PCDHA3: variants seen among roughly 807,000 people sequenced by gnomAD.
The protein encoded by PCDHA3 is protocadherin alpha 3.
A neutral mutation model predicts 62.2 loss-of-function variants in PCDHA3; 41 were observed. The ratio of observed to expected loss-of-function variants is 0.66; its 90% CI spans 0.51 to 0.86. The LOEUF is 0.86. Ranked by LOEUF, PCDHA3 falls within the 40% of genes least tolerant of loss-of-function variation. The pLI, the probability that PCDHA3 is intolerant of heterozygous loss-of-function variation, is 0.00. For missense variants in PCDHA3, 1,304 were observed against 1,241.2 expected (o/e 1.05, Z -0.76); for synonymous variants, 640 against 555.4 (o/e 1.15, Z -2.14).
chr5:140,967,210 C>A, intron 1 of PCDHA3: 1 of 1,613,674 alleles, frequency 6.2e-7, no homozygotes, highest in Non-Finnish European at 8.5e-7. Flanking sequence ...CACCGCGTTT[C>A]CCGCGGCCCA....
chr5:140,825,713 C>T (rs1234281247), intron 1 of PCDHA3: 2 of 152,202 alleles, frequency 1.3e-5, no homozygotes, highest in African/African-American at 2.4e-5. Context: ...TGAGCCATCG[C>T]GCCTGGCCTA....
Position 140,849,936 on chromosome 5 carries a change from G to C in PCDHA3, c.2394+46345G>C, listed in dbSNP as rs2041236618. The C allele has an allele frequency of 2.5e-6, 4 of 1,598,080 alleles. 1 individual carries two copies. Among genetic ancestry groups the C allele is most frequent in the Non-Finnish European group, 3.4e-6 (4 of 1,167,760 alleles). On this transcript the variant is annotated intron_variant, in intron 1 of 3. Transcript: ENST00000522353. ...CCACATCTTCACGGTGTCTGCGCGG[G>C]ACGCTGACGCGCAGGAGAACGCCCT...
At chr5:140,998,738 A>G (rs1163158052) in intron 3 of PCDHA3, among the ~76,000 whole-genome samples, 1 of 151,972 alleles carries the variant, frequency 6.6e-6, no homozygotes, top group Non-Finnish European at 1.5e-5. Context: ...CTAATTTTGT[A>G]TTTTTAGAAG....
intron 3 of PCDHA3, among the ~76,000 whole-genome samples, chr5:141,007,339 T>C (rs2098316015): frequency 6.9e-6 from 1 of 143,904 alleles, no homozygotes; most frequent in Non-Finnish European, 1.5e-5. Context: ...TTGCCTGAGC[T>C]CAGGAGTTCG....
intron 3 of PCDHA3, among the ~76,000 whole-genome samples, chr5:140,998,364 C>T (rs2097808386): frequency 6.6e-6 from 1 of 152,192 alleles, no homozygotes; most frequent in South Asian, 2.1e-4. Flanking sequence ...AACCACTGCA[C>T]ACACCGTCTC....
At chr5:140,832,767 T>C (rs1197167280) in intron 1 of PCDHA3, among the ~76,000 whole-genome samples, 1 of 152,180 alleles carries the variant, frequency 6.6e-6, no homozygotes, top group Non-Finnish European at 1.5e-5. Context: ...AAGAATATTG[T>C]AAGAGGTGCT....
intron 1 of PCDHA3, chr5:140,884,108 G>T: frequency 1.9e-6 from 3 of 1,613,402 alleles, no homozygotes; most frequent in Non-Finnish European, 2.5e-6. Context: ...ATTGCAGCTG[G>T]CGGCGGTCGG....
intron 1 of PCDHA3, among the ~76,000 whole-genome samples, chr5:140,921,179 GT>G (rs1563044506): frequency 6.6e-6 from 1 of 151,662 alleles, no homozygotes; most frequent in South Asian, 2.1e-4. Context: ...ATAAAGCACA[GT>G]TTTTTCACAA....
At chr5:140,831,993 C>A (rs1438404433) in intron 1 of PCDHA3, among the ~76,000 whole-genome samples, 1 of 152,120 alleles carries the variant, frequency 6.6e-6, no homozygotes, top group East Asian at 1.9e-4. Flanking sequence ...TTACGGATTC[C>A]ATATTGTTTT....
At chr5:140,902,761 G>A (rs58783050) in intron 1 of PCDHA3, among the ~76,000 whole-genome samples, 3,599 of 148,306 alleles carry the variant, frequency 0.024, 139 homozygotes, top group African/African-American at 0.083. Flanking sequence ...TCATTCTTAT[G>A]TCTTTGCATT....
intron 3 of PCDHA3, among the ~76,000 whole-genome samples, chr5:140,986,342 C>G (rs1390823261): frequency 4.6e-5 from 7 of 152,184 alleles, no homozygotes; most frequent in African/African-American, 1.7e-4. Flanking sequence ...ACAGTTGCAG[C>G]CTCTTCTTCA....
At position 140,803,234 on chromosome 5, in the gene PCDHA3, G is replaced by A. The variant is rs34395025; in HGVS notation, c.2037G>A (p.Ser679=). 10 of 1,613,694 alleles carry A rather than the reference G, an allele frequency of 6.2e-6. No individual in the cohort carries two copies. Among genetic ancestry groups the A allele is most frequent in the Admixed American group, 1.7e-5 (1 of 59,998 alleles). ...LVESGQAPKA[S]SQASAGATGP... ...AGAGTGGCCAGGCACCCAAGGCCTC[G>A]TCCCAGGCGTCCGCTGGCGCCACGG... The change falls in exon 1 of 4, where the codon TCG becomes TCA. Residue 679 remains serine (S), a synonymous_variant. Coordinates refer to ENST00000522353, the MANE Select transcript of PCDHA3 (RefSeq NM_018906.3).
At chr5:140,992,332 A>G (rs1554252819) in intron 3 of PCDHA3, among the ~76,000 whole-genome samples, 1 of 152,202 alleles carries the variant, frequency 6.6e-6, no homozygotes, top group African/African-American at 2.4e-5. Context: ...TCTAAGAGCA[A>G]AGATGGAAAT....
intron 1 of PCDHA3, among the ~76,000 whole-genome samples, chr5:140,920,816 C>A (rs1170521844): frequency 6.6e-6 from 1 of 150,790 alleles, no homozygotes; most frequent in East Asian, 1.9e-4. Flanking sequence ...TGCACTCCAG[C>A]CTGGCGACGG....
intron 1 of PCDHA3, chr5:140,967,804 A>G (rs1168632160): frequency 6.2e-7 from 1 of 1,614,090 alleles, no homozygotes; most frequent in Admixed American, 1.7e-5. Flanking sequence ...TGCCCATGGC[A>G]GGTCACTGCA....
At position 140,871,409 on chromosome 5, in the gene PCDHA3, T is replaced by C. The variant is rs2053060094; in HGVS notation, c.2394+67818T>C. The C allele has an allele frequency of 1.2e-6, 2 of 1,613,974 alleles. No homozygotes were observed. Among genetic ancestry groups the C allele is most frequent in the African/African-American group, 1.3e-5 (1 of 74,954 alleles). On this transcript the variant is annotated intron_variant, in intron 1 of 3. Coordinates refer to ENST00000522353, the MANE Select transcript of PCDHA3 (RefSeq NM_018906.3). ...GAGGGCCCACCTAAGACGGACCTCATGGCCTTCAGCCCCAGTCTTCCTCTA... is the reference window on the plus strand; with the variant it reads ...GAGGGCCCACCTAAGACGGACCTCACGGCCTTCAGCCCCAGTCTTCCTCTA...
intron 1 of PCDHA3, among the ~76,000 whole-genome samples, chr5:140,961,947 G>A (rs1183967245): frequency 6.6e-6 from 1 of 150,956 alleles, no homozygotes; most frequent in Non-Finnish European, 1.5e-5. Flanking sequence ...GCAGTGGCAT[G>A]ATCTCGGCTC....
At chr5:140,982,218 G>A (rs1054533925) in intron 2 of PCDHA3, 11 of 523,574 alleles carry the variant, frequency 2.1e-5, no homozygotes, top group African/African-American at 7.7e-5. Context: ...GCCACATGGC[G>A]TTAATAAAAA....
intron 1 of PCDHA3, chr5:140,926,327 A>AGAGCGCCGGGACCC (rs1363803647): frequency 6.6e-6 from 1 of 152,258 alleles, no homozygotes; most frequent in African/African-American, 2.4e-5. Context: ...CGCCGGGGTC[A>AGAGCGCCGGGACCC]GAGCGCCGGG....
Sources: allele counts gnomAD v4.1 joint callset (sites outside exome capture counted in the v4.1 genomes callset), GRCh38; gene constraint gnomAD v4.1.1; transcripts MANE v1.5; gene names NCBI Gene and HGNC (gene_info 2026-07-23, HGNC 2026-07-21).